Variants in PCF11 observed in about 807,000 individuals in gnomAD.
PCF11 encodes PCF11 cleavage and polyadenylation factor subunit.
PCF11 carries 19 observed loss-of-function variants against 166.1 expected under a neutral mutation model. The ratio of observed to expected loss-of-function variants is 0.11; its 90% CI spans 0.08 to 0.17. The LOEUF (loss-of-function observed/expected upper bound fraction) is 0.17, where lower values mean the gene tolerates loss of function less well. Among genes scored for constraint, PCF11 ranks in the 10% least tolerant of loss-of-function variants. The pLI, the probability that PCF11 is intolerant of heterozygous loss-of-function variation, is 1.00. For synonymous variants in PCF11, 663 were observed against 644.1 expected (o/e 1.03, Z -0.44); for missense variants, 1,565 against 1,855.5 (o/e 0.84, Z 2.88).
intron 2 of PCF11, among the ~76,000 whole-genome samples, chr11:83,163,099 C>T (rs1230868734): frequency 6.6e-6 from 1 of 152,160 alleles, no homozygotes; most frequent in African/African-American, 2.4e-5. Flanking sequence ...ATTTTTACGC[C>T]ATCACAAACC....
At chr11:83,179,998 GTTTT>G (rs1861031307) in intron 11 of PCF11, 1 of 151,224 alleles carries the variant, frequency 6.6e-6, no homozygotes, top group Non-Finnish European at 1.5e-5. Context: ...TTATAAGACT[GTTTT>G]TTATTATTCA....
At chr11:83,169,081 A>G (rs763799674) in exon 8 of PCF11, 29 of 1,613,420 alleles carry the variant, frequency 1.8e-5, no homozygotes, top group Non-Finnish European at 2.4e-5. Flanking sequence ...AGGTGGACTT[A>G]GATTTGAGGG....
chr11:83,181,984 C>G, exon 13 of PCF11: 1 of 1,611,834 alleles, frequency 6.2e-7, no homozygotes, highest in Non-Finnish European at 8.5e-7. Flanking sequence ...CAAAGTGTAC[C>G]TGCTGGACCA....
chr11:83,157,250 C>A (rs963178993), exon 1 of PCF11: 4 of 597,878 alleles, frequency 6.7e-6, no homozygotes, highest in Non-Finnish European at 1.2e-5. Flanking sequence ...GGAGATCACC[C>A]GCGAGACGGC....
chr11:83,164,584 T>A lies in PCF11; in HGVS notation c.702+183T>A, dbSNP rs115317004. ...TTATATCTTTATTGTAAAATTCACT[T>A]GATTAAAAACTGCATAGGCCAGGCG... On this transcript the variant is annotated intron_variant, in intron 4 of 15. Transcript: ENST00000298281. Among the ~76,000 whole-genome samples the A allele has an allele frequency of 1.4e-3, 219 of 152,268 alleles. 1 individual carries two copies. Among genetic ancestry groups the A allele is most frequent in the African/African-American group, 4.9e-3 (202 of 41,550 alleles).
In PCF11 at chr11:83,161,515, T is replaced by TA. The variant is rs1860253103; in HGVS notation, c.318+64dup. On this transcript the variant is annotated intron_variant, in intron 2 of 15. Coordinates refer to ENST00000298281, the Ensembl canonical transcript of PCF11. ...AAAAATGTGTTCCTGATTAAATAAATATTTGCTTTGTGTTGGGTTTTCTTG... is the reference window on the plus strand; with the variant it reads ...AAAAATGTGTTCCTGATTAAATAAATAATTTGCTTTGTGTTGGGTTTTCTTG... The TA allele has an allele frequency of 3.1e-6, 4 of 1,301,406 alleles. 1 individual carries two copies. The highest frequency in any genetic ancestry group is 2.5e-4 in the Middle Eastern group (1 of 3,972). 80.6% of individuals were successfully genotyped at this position (1,301,406 alleles called of 1,614,324 possible).
At chr11:83,181,979 T>A (rs777394406) in exon 13 of PCF11, 1 of 1,612,374 alleles carries the variant, frequency 6.2e-7, no homozygotes. Flanking sequence ...AGTTCCAAAG[T>A]GTACCTGCTG....
exon 16 of PCF11, chr11:83,184,967 A>T (rs1020017219): frequency 1.0e-5 from 10 of 972,582 alleles, no homozygotes; most frequent in African/African-American, 1.7e-5. Context: ...GAATTTTTTT[A>T]TGTATATATA....
Position 83,161,277 on chromosome 11 carries a change from TA to T in PCF11, c.193-49del, listed in dbSNP as rs768972493. 25 of 1,462,602 alleles carry T rather than the reference TA, an allele frequency of 1.7e-5. No individual in the cohort carries two copies. The South Asian group carries it at 3.1e-4, about 18-fold the overall frequency. The allele number at this position is 1,462,602 out of a possible 1,614,324, so 90.6% of individuals were successfully genotyped here. A position where few individuals can be genotyped will look rare whatever the true frequency, so the allele number is the denominator to read the frequency against. On this transcript the variant is annotated intron_variant, in intron 1 of 15. Coordinates refer to ENST00000298281, the Ensembl canonical transcript of PCF11. The stretch of plus-strand genomic sequence containing the variant: ...GTTTAAAAACTCATTTTTAAATAAT[TA>T]TTTGGTGGTAATTCATTATACTAAA...
intron 2 of PCF11, among the ~76,000 whole-genome samples, chr11:83,163,096 C>T (rs376335741): frequency 6.6e-6 from 1 of 152,170 alleles, no homozygotes; most frequent in Non-Finnish European, 1.5e-5. Flanking sequence ...AACATTTTTA[C>T]GCCATCACAA....
At chr11:83,172,552 A>G (rs1437878992) in intron 9 of PCF11, among the ~76,000 whole-genome samples, 1 of 152,004 alleles carries the variant, frequency 6.6e-6, no homozygotes, top group Non-Finnish European at 1.5e-5. Flanking sequence ...CCTCCCAAGT[A>G]GCTGGGACTA....
intron 14 of PCF11, among the ~76,000 whole-genome samples, 168 bp from the exon 15 acceptor site, chr11:83,182,870 C>T (rs566413286): frequency 7.1e-4 from 108 of 152,292 alleles, no homozygotes; most frequent in African/African-American, 2.2e-3. Flanking sequence ...GTCAGTTTTT[C>T]AGACTCTTTA....
intron 3 of PCF11, 99 bp from the exon 4 acceptor site, chr11:83,164,108 G>C: frequency 1.3e-6 from 1 of 758,538 alleles, no homozygotes; most frequent in Non-Finnish European, 2.1e-6. Context: ...CTGTGTGATA[G>C]GAATTTGGAT....
chr11:83,182,099 T>G (rs568520838), intron 13 of PCF11, 90 bp downstream of exon 13: 1 of 1,023,206 alleles, frequency 9.8e-7, no homozygotes, highest in African/African-American at 1.7e-5. Context: ...TATATTTATA[T>G]CCCTGTTTTA....
chr11:83,181,460 C>T (rs1158323792), intron 12 of PCF11, among the ~76,000 whole-genome samples: 1 of 147,224 alleles, frequency 6.8e-6, no homozygotes, highest in Non-Finnish European at 1.5e-5. Flanking sequence ...CTCTAAAAGT[C>T]CAAGGCTTTG....
In PCF11 at chr11:83,165,483, TGTA is replaced by T. The variant is rs1382130410; in HGVS notation, c.703-114_703-112del. Reference sequence around the variant, plus strand: ...ATACATTATAAGTGTACAATTTAAATGTAGTGTTGAGTAAATATATTTATTGAA... The same window carrying T: ...ATACATTATAAGTGTACAATTTAAATGTGTTGAGTAAATATATTTATTGAA... On this transcript the variant is annotated intron_variant, in intron 4 of 15. Coordinates refer to ENST00000298281, the Ensembl canonical transcript of PCF11. The T allele has an allele frequency of 9.0e-6, 6 of 664,700 alleles. No homozygotes were observed. In the Admixed American group the frequency reaches 1.3e-4, roughly 15 times the overall value. 41.2% of individuals were successfully genotyped at this position (664,700 alleles called of 1,614,324 possible).
intron 1 of PCF11, among the ~76,000 whole-genome samples, chr11:83,159,038 T>TA (rs1282654168): frequency 6.6e-6 from 1 of 152,202 alleles, no homozygotes; most frequent in African/African-American, 2.4e-5. Context: ...CTTCACAAGA[T>TA]ACACGGTTTC....
In PCF11 at chr11:83,177,712, A is replaced by T; in HGVS notation, c.3878-2A>T. The stretch of plus-strand genomic sequence containing the variant: ...AATTTGTATGTCTCTTCTTAATTGA[A>T]GAAGTAAGTGAAGTAACTGCTCAGC... On this transcript the variant is annotated splice_acceptor_variant, in intron 10 of 15. Coordinates refer to ENST00000298281, the Ensembl canonical transcript of PCF11. LOFTEE classifies it high-confidence loss of function. The T allele has an allele frequency of 6.8e-7, 1 of 1,479,812 alleles. No homozygotes were observed. 91.7% of individuals were successfully genotyped at this position (1,479,812 alleles called of 1,614,324 possible).
At chr11:83,180,431 C>G (rs749379564) in intron 11 of PCF11, 1 of 151,506 alleles carries the variant, frequency 6.6e-6, no homozygotes, top group Non-Finnish European at 1.5e-5. Flanking sequence ...TGTTTGTTCA[C>G]TTACTTGGTC....
Sources: gnomAD v4.1 joint callset for allele counts (sites outside exome capture counted in the v4.1 genomes callset) on GRCh38, gnomAD v4.1.1 for gene constraint, MANE v1.5 for transcripts, NCBI Gene and HGNC (gene_info 2026-07-23, HGNC 2026-07-21) for gene names.